The following AKAP6 variants were observed in gnomAD, a reference collection of about 807,000 sequenced individuals.
AKAP6 encodes the protein A-kinase anchor protein 6.
A neutral mutation model predicts 188.5 loss-of-function variants in AKAP6; 58 were observed. The observed-to-expected ratio is 0.31, with a 90% confidence interval of 0.25 to 0.38. The LOEUF (loss-of-function observed/expected upper bound fraction) is 0.38. AKAP6 is among the 10% of genes least tolerant of loss of function. The probability of loss-of-function intolerance (pLI) is 1.00; values close to 1 mark genes in which losing one functional copy is unlikely to be tolerated. For missense variants in AKAP6, 2,710 were observed against 2,740.0 expected, an observed-to-expected ratio of 0.99 and a Z score of 0.24; for synonymous variants, 989 against 998.6, an observed-to-expected ratio of 0.99 and a Z score of 0.18.
chr14:32,577,075 T>A, intron 4 of AKAP6, 45 bp from the exon 5 acceptor site: 1 of 1,582,150 alleles, frequency 6.3e-7, no homozygotes, highest in Non-Finnish European at 8.5e-7. Flanking sequence ...CCAACTAACA[T>A]GCCTTTCTTG....
Position 32,441,060 on chromosome 14 carries a change from C to T in AKAP6, c.324+7243C>T, listed in dbSNP as rs929746027. Among the ~76,000 whole-genome samples the T allele has an allele frequency of 1.7e-4, 26 of 152,286 alleles. 1 individual carries two copies. Among genetic ancestry groups the T allele is most frequent in the African/African-American group, 5.8e-4 (24 of 41,564 alleles). ...ATATTGGAAGCAGAGAGTAAGCTCT[C>T]ACCAGACACAGAATCTGCTGGTGCT... On this transcript the variant is annotated intron_variant, in intron 2 of 13. Transcript: ENST00000280979.
chr14:32,687,941 A>C (rs1890004133), intron 8 of AKAP6, among the ~76,000 whole-genome samples: 1 of 151,996 alleles, frequency 6.6e-6, no homozygotes, highest in African/African-American at 2.4e-5. Context: ...ATATTATTAC[A>C]CCCCTTTAAT....
intron 11 of AKAP6, among the ~76,000 whole-genome samples, chr14:32,746,634 C>G (rs1047814287): frequency 6.6e-6 from 1 of 152,152 alleles, no homozygotes; most frequent in Non-Finnish European, 1.5e-5. Context: ...ATTCTGGTAT[C>G]TTGCTCTGCC....
At chr14:32,624,145 A>G (rs1886922497) in intron 7 of AKAP6, among the ~76,000 whole-genome samples, 1 of 152,188 alleles carries the variant, frequency 6.6e-6, no homozygotes, top group Non-Finnish European at 1.5e-5. Flanking sequence ...CACATAGTGC[A>G]TAATGAAAAG....
At chr14:32,689,729 TATATGA>T (rs1405296173) in intron 8 of AKAP6, among the ~76,000 whole-genome samples, 1 of 152,128 alleles carries the variant, frequency 6.6e-6, no homozygotes, top group East Asian at 1.9e-4. Context: ...CTTCTGTGCT[TATATGA>T]CACATGGAGT....
chr14:32,426,342 A>G (rs1022037391), intron 1 of AKAP6, among the ~76,000 whole-genome samples: 1 of 152,122 alleles, frequency 6.6e-6, no homozygotes, highest in African/African-American at 2.4e-5. Context: ...GATTGTTTCT[A>G]TAAAGTTATA....
chr14:32,394,834 G>A (rs940339137), intron 1 of AKAP6, among the ~76,000 whole-genome samples: 4 of 152,052 alleles, frequency 2.6e-5, no homozygotes, highest in African/African-American at 4.8e-5. Context: ...TATATTAAGC[G>A]CTATATATTT....
In AKAP6 at chr14:32,510,424, A is replaced by G. The variant is rs1416463505; in HGVS notation, c.325-25130A>G. Among the ~76,000 whole-genome samples, 15 of 83,688 alleles carry G rather than the reference A, an allele frequency of 1.8e-4. 1 individual carries two copies. Among genetic ancestry groups the G allele is most frequent in the South Asian group, 8.2e-4 (3 of 3,668 alleles). 54.9% of individuals were successfully genotyped at this position (83,688 alleles called of 152,430 possible). A position where few individuals can be genotyped will look rare whatever the true frequency, so the allele number is the denominator to read the frequency against. ...TATATGTATATATATGTATATATATACATATATATATGTGTATATATATAT... is the reference window on the plus strand; with the variant it reads ...TATATGTATATATATGTATATATATGCATATATATATGTGTATATATATAT... On this transcript the variant is annotated intron_variant, in intron 2 of 13. Coordinates refer to ENST00000280979, the MANE Select transcript of AKAP6 (RefSeq NM_004274.5).
intron 7 of AKAP6, among the ~76,000 whole-genome samples, chr14:32,610,810 A>G (rs1420775849): frequency 6.6e-6 from 1 of 152,234 alleles, no homozygotes. Flanking sequence ...TTGAGCATAC[A>G]GTATCCATGT....
In AKAP6 at chr14:32,546,312, A is replaced by G; in HGVS notation, c.1659A>G (p.Ser553=). The G allele has an allele frequency of 6.2e-7, 1 of 1,614,148 alleles. No homozygotes were observed. The highest frequency in any genetic ancestry group is 8.5e-7 in the Non-Finnish European group (1 of 1,180,020). Reference sequence around the variant, plus strand: ...AAACAAATTCTGCTTCCACATCCTCACTTGAGCCTTGTAATCAGAGAAGTT... The same window carrying G: ...AAACAAATTCTGCTTCCACATCCTCGCTTGAGCCTTGTAATCAGAGAAGTT... ...GPQTNSASTS[S]LEPCNQRSWN... is the part of the protein sequence containing the mutation. Residue 553 remains serine (S), a synonymous_variant, in exon 4 of 14, where the codon TCA becomes TCG. Coordinates refer to ENST00000280979, the MANE Select transcript of AKAP6 (RefSeq NM_004274.5).
chr14:32,587,040 G>A (rs559857625), intron 5 of AKAP6, among the ~76,000 whole-genome samples: 2 of 152,198 alleles, frequency 1.3e-5, no homozygotes, highest in East Asian at 1.9e-4. Flanking sequence ...TGCTATCAGA[G>A]TATGTTATTA....
At chr14:32,658,005 T>C (rs908597988) in intron 7 of AKAP6, among the ~76,000 whole-genome samples, 5 of 152,142 alleles carry the variant, frequency 3.3e-5, no homozygotes, top group African/African-American at 4.8e-5. Flanking sequence ...CTAGCACATT[T>C]GGATCTTAAA....
intron 8 of AKAP6, 43 bp downstream of exon 8, chr14:32,678,502 T>C: frequency 3.7e-6 from 6 of 1,605,496 alleles, no homozygotes; most frequent in Non-Finnish European, 5.1e-6. Context: ...CACTAATCTA[T>C]TTTTTCAATG....
intron 2 of AKAP6, among the ~76,000 whole-genome samples, chr14:32,509,380 G>A (rs990683356): frequency 2.5e-4 from 38 of 151,858 alleles, no homozygotes; most frequent in African/African-American, 8.9e-4. Context: ...TGCCCACCTT[G>A]GCTTGTTTAT....
At chr14:32,632,348 A>C (rs1887310469) in intron 7 of AKAP6, among the ~76,000 whole-genome samples, 1 of 152,048 alleles carries the variant, frequency 6.6e-6, no homozygotes, top group Non-Finnish European at 1.5e-5. Flanking sequence ...TATTCTATGA[A>C]TGTTTATTAA....
At chr14:32,426,034 G>A (rs1486411232) in intron 1 of AKAP6, among the ~76,000 whole-genome samples, 1 of 152,156 alleles carries the variant, frequency 6.6e-6, no homozygotes, top group East Asian at 1.9e-4. Context: ...TATGGTGTTA[G>A]GAAGGGTCCA....
chr14:32,769,489 A>G (rs947161586), intron 11 of AKAP6, among the ~76,000 whole-genome samples: 1 of 151,932 alleles, frequency 6.6e-6, no homozygotes, highest in Non-Finnish European at 1.5e-5. Flanking sequence ...AGCCATGCTC[A>G]ACTGATGTTA....
intron 12 of AKAP6, among the ~76,000 whole-genome samples, chr14:32,794,222 C>T (rs2033696411): frequency 6.6e-6 from 1 of 152,136 alleles, no homozygotes; most frequent in South Asian, 2.1e-4. Flanking sequence ...AATTGAAAAA[C>T]ATGCTCCTGA....
intron 1 of AKAP6, among the ~76,000 whole-genome samples, chr14:32,410,884 G>A (rs12881908): frequency 0.68 from 103,503 of 152,068 alleles, 37,685 homozygotes; most frequent in Non-Finnish European, 0.82. Flanking sequence ...GTTGAAAACA[G>A]CTAAATCACA....
Sources: allele counts gnomAD v4.1 joint callset (sites outside exome capture counted in the v4.1 genomes callset), GRCh38; gene constraint gnomAD v4.1.1; transcripts MANE v1.5; gene names NCBI Gene and HGNC (gene_info 2026-07-23, HGNC 2026-07-21).